The following RBL2 variants were observed in gnomAD, a reference collection of about 807,000 sequenced individuals.
RBL2 encodes RB transcriptional corepressor like 2.
A neutral mutation model predicts 126.0 loss-of-function variants in RBL2; 56 were observed. The observed-to-expected ratio is 0.44, with a 90% CI of 0.36 to 0.56. The LOEUF (loss-of-function observed/expected upper bound fraction) is 0.56, where lower values mean the gene tolerates loss of function less well. Ranked by LOEUF, RBL2 falls within the 20% of genes least tolerant of loss-of-function variation. The probability of loss-of-function intolerance (pLI) is 0.00; values close to 1 mark genes in which losing one functional copy is unlikely to be tolerated. For missense variants in RBL2, 1,229 were observed against 1,398.2 expected (o/e 0.88, Z 1.93); for synonymous variants, 454 against 478.5 (o/e 0.95, Z 0.67).
intron 11 of RBL2, among the ~76,000 whole-genome samples, chr16:53,463,482 T>TA (rs2150806647): frequency 6.6e-6 from 1 of 151,746 alleles, no homozygotes; most frequent in East Asian, 1.9e-4. Flanking sequence ...CCTCAGGTGA[T>TA]CTGCCTGCTT....
intron 21 of RBL2, among the ~76,000 whole-genome samples, chr16:53,486,512 CAATT>C (rs1309158841): frequency 1.3e-5 from 2 of 152,088 alleles, no homozygotes; most frequent in East Asian, 3.9e-4. Context: ...GAAATAATGC[CAATT>C]CTATAGAAAC....
intron 13 of RBL2, among the ~76,000 whole-genome samples, chr16:53,466,301 G>A (rs2058271889): frequency 6.6e-6 from 1 of 152,104 alleles, no homozygotes; most frequent in Non-Finnish European, 1.5e-5. Flanking sequence ...AACCTTTTTG[G>A]CACCAAGGAC....
intron 19 of RBL2, 62 bp downstream of exon 19, chr16:53,480,053 T>A: frequency 9.1e-7 from 1 of 1,104,072 alleles, no homozygotes; most frequent in Non-Finnish European, 1.3e-6. Flanking sequence ...TTTTAGGCCT[T>A]GAAGAAGTAA....
At chr16:53,442,506 T>A in intron 2 of RBL2, 152 bp from the exon 3 acceptor site, 1 of 609,240 alleles carries the variant, frequency 1.6e-6, no homozygotes, top group Non-Finnish European at 2.8e-6. Flanking sequence ...TGTAAGAAAT[T>A]AAGCTAGTCA....
intron 17 of RBL2, 55 bp downstream of exon 17, chr16:53,470,977 T>G: frequency 6.7e-7 from 1 of 1,499,872 alleles, no homozygotes; most frequent in Admixed American, 2.1e-5. Context: ...ACTGAGAACA[T>G]TTTTTAACCA....
chr16:53,460,165 T>G (rs2150802958), intron 9 of RBL2, among the ~76,000 whole-genome samples: 1 of 152,316 alleles, frequency 6.6e-6, no homozygotes, highest in African/African-American at 2.4e-5. Flanking sequence ...TCATTGAGTT[T>G]TAATTAAAAG....
intron 3 of RBL2, among the ~76,000 whole-genome samples, chr16:53,446,836 C>T (rs1381305389): frequency 6.6e-6 from 1 of 152,154 alleles, no homozygotes; most frequent in African/African-American, 2.4e-5. Context: ...ATTTTCTTTT[C>T]TTTGAGATGG....
At chr16:53,438,089 G>A (rs1361167329) in intron 1 of RBL2, among the ~76,000 whole-genome samples, 2 of 152,080 alleles carry the variant, frequency 1.3e-5, no homozygotes, top group Non-Finnish European at 2.9e-5. Context: ...TGGCTATATA[G>A]CAAATTGCCT....
At chr16:53,451,364 T>C (rs538021843) in intron 4 of RBL2, among the ~76,000 whole-genome samples, 1 of 152,180 alleles carries the variant, frequency 6.6e-6, no homozygotes, top group East Asian at 1.9e-4. Context: ...AAATTAGCCA[T>C]GTGTGGTGGC....
chr16:53,490,562 T>G lies in RBL2; in HGVS notation c.*262T>G. The G allele has an allele frequency of 3.0e-6, 1 of 329,466 alleles. No homozygotes were observed. The highest frequency in any genetic ancestry group is 5.5e-6 in the Non-Finnish European group (1 of 182,682). The allele number at this position is 329,466 out of a possible 1,614,324, so 20.4% of individuals were successfully genotyped here. ...GAATCCAAACTTGGATTTTTGACTC[T>G]GGCAAAGCTTTTAGAAATACTGCAA... is the stretch of plus-strand genomic sequence containing the variant. On this transcript the variant is annotated 3_prime_UTR_variant, in exon 22 of 22. Transcript: ENST00000262133.
At chr16:53,473,874 T>C (rs1177214106) in intron 17 of RBL2, among the ~76,000 whole-genome samples, 1 of 152,126 alleles carries the variant, frequency 6.6e-6, no homozygotes, top group East Asian at 1.9e-4. Context: ...TTTTGTCAAA[T>C]GCTTGTGTGT....
chr16:53,446,932 G>T, intron 3 of RBL2, 110 bp from the exon 4 acceptor site: 1 of 524,286 alleles, frequency 1.9e-6, no homozygotes, highest in Non-Finnish European at 3.3e-6. Context: ...TGAATCTGTT[G>T]TCTCTCCCTT....
intron 4 of RBL2, chr16:53,448,915 G>A (rs1038321184): frequency 2.0e-5 from 3 of 152,224 alleles, no homozygotes; most frequent in African/African-American, 7.2e-5. Flanking sequence ...TGGGAAGAAT[G>A]TGTTACATTG....
intron 7 of RBL2, 146 bp from the exon 8 acceptor site, chr16:53,454,510 C>A: frequency 1.4e-6 from 1 of 719,174 alleles, no homozygotes; most frequent in Non-Finnish European, 2.2e-6. Flanking sequence ...GCTATACTAT[C>A]CAGTTCTTAT....
At chr16:53,463,255 C>T (rs1381967717) in intron 11 of RBL2, among the ~76,000 whole-genome samples, 2 of 152,196 alleles carry the variant, frequency 1.3e-5, no homozygotes, top group Non-Finnish European at 2.9e-5. Flanking sequence ...TGATTAATGT[C>T]ATCCTATGAT....
rs1366097743 is a variant in RBL2 at position 53,491,426 on chromosome 16, T to TTCAAG, written c.*1131_*1135dup. The TTCAAG allele has an allele frequency of 4.6e-5, 7 of 152,496 alleles. No individual in the cohort carries two copies. The East Asian group carries it at 1.3e-3, about 29-fold the overall frequency. The allele number at this position is 152,496 out of a possible 1,614,324, so 9.4% of individuals were successfully genotyped here. On this transcript the variant is annotated 3_prime_UTR_variant, in exon 22 of 22. Coordinates refer to ENST00000262133, the MANE Select transcript of RBL2 (RefSeq NM_005611.4). Reference sequence around the variant, plus strand: ...ATTAATCACTATTGTTCCAGCAGTTTTCAAGTCAAATTAATAATCTTATTA... The same window carrying TTCAAG: ...ATTAATCACTATTGTTCCAGCAGTTTTCAAGTCAAGTCAAATTAATAATCTTATTA...
At chr16:53,471,046 AT>A in intron 17 of RBL2, 124 bp downstream of exon 17, 1 of 994,982 alleles carries the variant, frequency 1.0e-6, no homozygotes, top group Non-Finnish European at 1.5e-6. Flanking sequence ...GCACAACTAA[AT>A]GGGTCTTAGT....
chr16:53,490,132 A>G lies in RBL2; in HGVS notation c.3252A>G (p.Arg1084=), dbSNP rs141124299. 1.9e-6 allele frequency: 3 copies of G among 1,572,926 alleles called. No individual in the cohort carries two copies. The African/African-American group carries it at 4.1e-5, about 21-fold the overall frequency. Residue 1084 remains arginine (R), a splice_region_variant and synonymous_variant, in exon 22 of 22, where the codon AGA becomes AGG. Coordinates refer to ENST00000262133, the MANE Select transcript of RBL2 (RefSeq NM_005611.4). ...TTTGTATCTTTTTCCCACCATAGAGACTGAGAGAAATTAATAGTATGATAC... is the reference window on the plus strand; with the variant it reads ...TTTGTATCTTTTTCCCACCATAGAGGCTGAGAGAAATTAATAGTATGATAC... ...FYYFSNSPSK[R]LREINSMIRT...
chr16:53,441,377 T>C (rs2058014409), intron 2 of RBL2, among the ~76,000 whole-genome samples: 2 of 152,152 alleles, frequency 1.3e-5, no homozygotes, highest in South Asian at 4.1e-4. Flanking sequence ...CTGTACTTCT[T>C]GGAGTAGTCC....
Sources: gnomAD v4.1 joint callset for allele counts (sites outside exome capture counted in the v4.1 genomes callset) on GRCh38, gnomAD v4.1.1 for gene constraint, MANE v1.5 for transcripts, NCBI Gene and HGNC (gene_info 2026-07-23, HGNC 2026-07-21) for gene names.